The following CLU variants were observed in gnomAD, a reference collection of about 807,000 sequenced individuals.
CLU encodes aging-associated protein 4.
CLU carries 25 observed loss-of-function variants against 46.4 expected under a neutral mutation model. The ratio of observed to expected loss-of-function variants is 0.54; its 90% confidence interval spans 0.39 to 0.75. The LOEUF (loss-of-function observed/expected upper bound fraction) is 0.75. Among genes scored for constraint, CLU ranks in the 30% least tolerant of loss-of-function variants. The pLI, the probability that CLU is intolerant of heterozygous loss-of-function variation, is 0.00. For synonymous variants in CLU, 235 were observed against 235.1 expected, an observed-to-expected ratio of 1.00 and a Z score of 0.00; for missense variants, 504 against 592.1, an observed-to-expected ratio of 0.85 and a Z score of 1.54.
chr8:27,610,817 G>T (rs1800913313), intron 1 of CLU: 1 of 540,860 alleles, frequency 1.8e-6, no homozygotes, highest in East Asian at 3.3e-5. Context: ...GGGAGGGAGG[G>T]ACTGCAGGAC....
chr8:27,606,640 C>G lies in CLU; in HGVS notation c.247-116G>C, dbSNP rs985347221. 4.1e-6 allele frequency: 5 copies of G among 1,231,766 alleles called. No individual in the cohort carries two copies. In the African/African-American group the frequency reaches 4.4e-5, roughly 11 times the overall value. 76.3% of individuals were successfully genotyped at this position (1,231,766 alleles called of 1,614,324 possible). On this transcript the variant is annotated intron_variant, in intron 3 of 8. Coordinates refer to ENST00000316403, the MANE Select transcript of CLU (RefSeq NM_001831.4). ...GGCAGGCCTTCCCATAGGCTGGCCA[C>G]CCAGCATGCAAGTGCCTACCCTTGC...
At chr8:27,600,143 C>T in intron 6 of CLU, 134 bp from the exon 7 acceptor site, 1 of 713,756 alleles carries the variant, frequency 1.4e-6, no homozygotes, top group Non-Finnish European at 2.5e-6. Context: ...GGGCCACAAA[C>T]TGGAATTGTC....
intron 4 of CLU, among the ~76,000 whole-genome samples, chr8:27,605,972 C>T (rs577509398): frequency 6.6e-5 from 10 of 151,376 alleles, no homozygotes; most frequent in Non-Finnish European, 1.2e-4. Flanking sequence ...CCCAGGAGGT[C>T]GAAGCTGCAG....
chr8:27,606,573 A>C (rs1563387227), intron 3 of CLU, 49 bp from the exon 4 acceptor site: 138 of 1,607,488 alleles, frequency 8.6e-5, no homozygotes, highest in Middle Eastern at 1.7e-4. Context: ...CCACAGGCTC[A>C]TGCACTCAAA....
At chr8:27,610,741 G>A in intron 1 of CLU, 141 bp from the exon 2 acceptor site, 1 of 650,172 alleles carries the variant, frequency 1.5e-6, no homozygotes, top group South Asian at 1.8e-5. Context: ...TTATTCCTGA[G>A]GAAATGGGGG....
At chr8:27,611,070 T>G (rs1281861515) in intron 1 of CLU, 1 of 400,376 alleles carries the variant, frequency 2.5e-6, no homozygotes. Flanking sequence ...CTCTGCAATG[T>G]GCACCTAAAC....
rs557245997 is a variant in CLU, at chr8:27,598,471, G to A, written c.1329C>T (p.Arg443=). Residue 443 remains arginine, a synonymous_variant, in exon 8 of 9, where the codon CGC becomes CGT. Coordinates refer to ENST00000316403, the MANE Select transcript of CLU (RefSeq NM_001831.4). ...TVAEKALQEY[R]KKHREE Reference sequence around the variant, plus strand: ...GCCCGCCTGCTTACCGGTGCTTTTTGCGGTATTCCTGCAGCGCTTTCTCCG... The same window carrying A: ...GCCCGCCTGCTTACCGGTGCTTTTTACGGTATTCCTGCAGCGCTTTCTCCG... 4 of 1,613,972 alleles carry A rather than the reference G, an allele frequency of 2.5e-6. No homozygotes were observed. Among genetic ancestry groups the A allele is most frequent in the South Asian group, 1.1e-5 (1 of 91,064 alleles).
Position 27,612,472 on chromosome 8 carries a change from CTAAT to C in CLU, c.-29-1876_-29-1873del, listed in dbSNP as rs1367979002. 7.4e-4 allele frequency among the ~76,000 whole-genome samples: 113 copies of C among 152,290 alleles called. 1 individual carries two copies. Among genetic ancestry groups the C allele is most frequent in the African/African-American group, 2.6e-3 (110 of 41,564 alleles). ...GTCTGAGGCTGGGCATTGGCAGTGT[CTAAT>C]CAACATGTCTGGAGAGGGGCAGGAA... On this transcript the variant is annotated intron_variant, in intron 1 of 8. Transcript: ENST00000316403.
intron 1 of CLU, chr8:27,610,960 C>G (rs900245551): frequency 8.2e-6 from 3 of 366,252 alleles, no homozygotes; most frequent in African/African-American, 4.2e-5. Flanking sequence ...AGAGTGGTAT[C>G]GATCATGTCA....
Position 27,599,765 on chromosome 8 carries a change from C to T in CLU, c.1164+15G>A, listed in dbSNP as rs368871508. The T allele has an allele frequency of 9.9e-5, 157 of 1,590,026 alleles. No homozygotes were observed. The highest frequency in any genetic ancestry group is 1.1e-4 in the Non-Finnish European group (126 of 1,165,122). ...GGGCTCCCGAGCCACAGCATGTGGCCGGGACACAGCTCACCGTGGTGACCC... is the reference window on the plus strand; with the variant it reads ...GGGCTCCCGAGCCACAGCATGTGGCTGGGACACAGCTCACCGTGGTGACCC... On this transcript the variant is annotated intron_variant, in intron 7 of 8. Coordinates refer to ENST00000316403, the MANE Select transcript of CLU (RefSeq NM_001831.4). The surrounding 1 kb of genome is among the most constrained non-coding windows in gnomAD (Gnocchi z 4.0).
chr8:27,603,804 A>G (rs1162187004), intron 6 of CLU, among the ~76,000 whole-genome samples: 2 of 152,144 alleles, frequency 1.3e-5, no homozygotes, highest in Non-Finnish European at 2.9e-5. Flanking sequence ...TCTGTGGCTC[A>G]GTTTCCTCAG....
intron 6 of CLU, among the ~76,000 whole-genome samples, chr8:27,602,880 C>T (rs997785431): frequency 2.0e-5 from 3 of 152,088 alleles, no homozygotes; most frequent in African/African-American, 7.2e-5. Flanking sequence ...GCCTGGCCAA[C>T]ATAGTGAAAT....
At chr8:27,611,060 C>T (rs1800918123) in intron 1 of CLU, 1 of 395,992 alleles carries the variant, frequency 2.5e-6, no homozygotes, top group South Asian at 1.9e-5. Flanking sequence ...CAGCCACGTC[C>T]TCTGCAATGT....
At chr8:27,604,776 G>C in intron 5 of CLU, 148 bp downstream of exon 5, 3 of 965,004 alleles carry the variant, frequency 3.1e-6, no homozygotes, top group Non-Finnish European at 3.2e-6. Context: ...ACCATGCCCA[G>C]CTCAGTTTTT....
At chr8:27,611,860 C>T (rs1319112969) in intron 1 of CLU, 1 of 429,360 alleles carries the variant, frequency 2.3e-6, no homozygotes, top group Admixed American at 2.5e-5. Flanking sequence ...GGGCTCTGCC[C>T]CAGCTGCCCA....
chr8:27,611,563 C>A (rs1310413356), intron 1 of CLU: 1 of 457,848 alleles, frequency 2.2e-6, no homozygotes, highest in East Asian at 7.0e-5. Context: ...ACTCCACCCC[C>A]ACCATGCCCC....
intron 3 of CLU, 41 bp from the exon 4 acceptor site, chr8:27,606,565 A>G (rs575779508): frequency 6.2e-7 from 1 of 1,611,844 alleles, no homozygotes; most frequent in South Asian, 1.1e-5. Flanking sequence ...CACAGAGACC[A>G]CAGGCTCATG....
Position 27,599,664 on chromosome 8 carries a change from C to G in CLU, c.1164+116G>C, listed in dbSNP as rs572883037. On this transcript the variant is annotated intron_variant, in intron 7 of 8. Transcript: ENST00000316403. This position sits in a 1 kb window ranked among gnomAD's most constrained non-coding sequence, Gnocchi z 4.0. ...TGAGGCTTCAAGGCAACAGGGGCGC[C>G]TAAAGTTTTCTATTTTCTGCCGTGT... 8.0e-5 allele frequency: 65 copies of G among 807,470 alleles called. No individual in the cohort carries two copies. The African/African-American group carries it at 8.2e-4, about 10-fold the overall frequency. 50.0% of individuals were successfully genotyped at this position (807,470 alleles called of 1,614,324 possible). A position where few individuals can be genotyped will look rare whatever the true frequency, so the allele number is the denominator to read the frequency against.
intron 3 of CLU, among the ~76,000 whole-genome samples, chr8:27,607,758 A>C (rs1281837764): frequency 1.3e-5 from 2 of 151,298 alleles, no homozygotes; most frequent in Non-Finnish European, 2.9e-5. Flanking sequence ...AAAAAAAAAA[A>C]AATAGCCTAT....
Sources: gnomAD v4.1 joint callset for allele counts (sites outside exome capture counted in the v4.1 genomes callset) on GRCh38, gnomAD v4.1.1 for gene constraint, Gnocchi (gnomAD v3.1) non-coding constraint, MANE v1.5 for transcripts, NCBI Gene and HGNC (gene_info 2026-07-23, HGNC 2026-07-21) for gene names.